Variants in CHRNA6 observed in about 807,000 individuals in gnomAD.
CHRNA6 encodes the protein neuronal acetylcholine receptor subunit alpha-6.
Under a neutral mutation model 40.9 loss-of-function variants are expected in CHRNA6, and 31 were observed. The ratio of observed to expected loss-of-function variants is 0.76; its 90% CI spans 0.57 to 1.02. The LOEUF is 1.02. Ranked by LOEUF, CHRNA6 falls within the 50% of genes least tolerant of loss-of-function variation. The probability of loss-of-function intolerance (pLI) is 0.00; values close to 1 mark genes in which losing one functional copy is unlikely to be tolerated. For missense variants in CHRNA6, 546 were observed against 596.6 expected (o/e 0.92, Z 0.88); for synonymous variants, 222 against 221.3 (o/e 1.00, Z -0.03).
intron 1 of CHRNA6, 53 bp from the exon 2 acceptor site, chr8:42,765,257 GC>G: frequency 6.3e-7 from 1 of 1,594,398 alleles, no homozygotes; most frequent in Non-Finnish European, 8.6e-7. Flanking sequence ...ACTGGCCACT[GC>G]AGCGATTCTA....
chr8:42,762,169 C>T (rs1298688799), intron 2 of CHRNA6, among the ~76,000 whole-genome samples: 8 of 152,192 alleles, frequency 5.3e-5, no homozygotes. Flanking sequence ...CCTGGCTGTG[C>T]CACTTCTCTC....
rs781148492 is a variant in CHRNA6 at position 42,756,079 on chromosome 8, G to C, written c.1120C>G (p.Leu374Val). ...TTGCCTTTGGCAGGCCTCCTGGCAA[G>C]GCCTCTGGGCACTGCATCAGAGCCT... Reference protein sequence around the residue: ...GTGSDAVPRGLARRPAKGKLA... With the variant: ...GTGSDAVPRGVARRPAKGKLA... The change falls in exon 5 of 6, where the codon CTT becomes GTT. Residue 374 changes from leucine to valine, a missense_variant. Physicochemically the swap from Leu to Val is conservative, Grantham distance 32. Around this residue, in one of 3 missense-constraint regions of CHRNA6, gnomAD observed 476 missense variants for 494.5 expected, o/e 0.96. Transcript: ENST00000276410. The C allele has an allele frequency of 6.2e-7, 1 of 1,614,240 alleles. No homozygotes were observed. Among genetic ancestry groups the C allele is most frequent in the South Asian group, 1.1e-5 (1 of 91,086 alleles).
chr8:42,761,425 C>T (rs1255767985), intron 2 of CHRNA6, among the ~76,000 whole-genome samples: 1 of 152,244 alleles, frequency 6.6e-6, no homozygotes, highest in African/African-American at 2.4e-5. Flanking sequence ...CCTGCAGTCT[C>T]GGTTCCAGGA....
At chr8:42,763,044 G>A (rs952394352) in intron 2 of CHRNA6, among the ~76,000 whole-genome samples, 1 of 152,230 alleles carries the variant, frequency 6.6e-6, no homozygotes, top group African/African-American at 2.4e-5. Flanking sequence ...GGAAATCACA[G>A]AAGTCTAGGA....
At position 42,765,298 on chromosome 8, in the gene CHRNA6, G is replaced by A. The variant is rs11992280; in HGVS notation, c.80-94C>T. On this transcript the variant is annotated intron_variant, in intron 1 of 5. Coordinates refer to ENST00000276410, the MANE Select transcript of CHRNA6 (RefSeq NM_004198.3). The stretch of plus-strand genomic sequence containing the variant: ...ATTCTTCCCGGGCCCTGTGGGGAGC[G>A]AATGTCCCAGCCCATGACTGCATCC... 2.6e-3 allele frequency: 3,596 copies of A among 1,375,516 alleles called. 76 individuals carry two copies. The African/African-American group carries it at 0.046, about 18-fold the overall frequency. The allele number at this position is 1,375,516 out of a possible 1,614,324, so 85.2% of individuals were successfully genotyped here.
chr8:42,756,970 G>A lies in CHRNA6; in HGVS notation c.332C>T (p.Pro111Leu). ...EYDGIETLRV[P>L]ADKIWKPDIV... The stretch of plus-strand genomic sequence containing the variant: ...GTCGGGCTTCCAAATCTTATCTGCA[G>A]GAACGCGAAGAGTCTCAATGCCATC... The change falls in exon 4 of 6, where the codon CCT becomes CTT. Residue 111 changes from proline to leucine, a missense_variant. Transcript: ENST00000276410. 1.9e-6 allele frequency: 3 copies of A among 1,614,012 alleles called. No individual in the cohort carries two copies. Among genetic ancestry groups the A allele is most frequent in the Non-Finnish European group, 2.5e-6 (3 of 1,179,878 alleles).
intron 1 of CHRNA6, among the ~76,000 whole-genome samples, chr8:42,766,143 A>G (rs1816972511): frequency 6.6e-6 from 1 of 152,208 alleles, no homozygotes; most frequent in African/African-American, 2.4e-5. Flanking sequence ...CACTATTCAC[A>G]ATAGCAAAGA....
chr8:42,754,416 C>T (rs1334915311), intron 5 of CHRNA6, among the ~76,000 whole-genome samples: 27 of 152,156 alleles, frequency 1.8e-4, no homozygotes, highest in Non-Finnish European at 2.9e-5. Context: ...TTAAACAATT[C>T]TCCCGTCTTG....
chr8:42,763,774 C>A (rs1403870109), intron 2 of CHRNA6, among the ~76,000 whole-genome samples: 2 of 152,138 alleles, frequency 1.3e-5, no homozygotes, highest in Admixed American at 6.5e-5. Flanking sequence ...TTTTTTTCAG[C>A]CAGTGCATGC....
chr8:42,754,665 C>T lies in CHRNA6; in HGVS notation c.1353+1181G>A, dbSNP rs1251280869. ...GCGATGGCTGCCAGCAGCTGCAGTC[C>T]GAGGTCAAACCTAGACACCAGGCCT... On this transcript the variant is annotated intron_variant, in intron 5 of 5. Coordinates refer to ENST00000276410, the MANE Select transcript of CHRNA6 (RefSeq NM_004198.3). Among the ~76,000 whole-genome samples the T allele has an allele frequency of 3.9e-5, 6 of 152,154 alleles. No individual in the cohort carries two copies. The East Asian group carries it at 9.6e-4, about 24-fold the overall frequency.
chr8:42,760,989 C>T (rs1036794336), intron 2 of CHRNA6, among the ~76,000 whole-genome samples: 1 of 152,188 alleles, frequency 6.6e-6, no homozygotes, highest in Non-Finnish European at 1.5e-5. Flanking sequence ...CCCAGGCACC[C>T]TCCAGAGTAA....
At chr8:42,759,328 T>C in intron 2 of CHRNA6, 1 of 535,840 alleles carries the variant, frequency 1.9e-6, no homozygotes, top group African/African-American at 1.9e-5. Context: ...GCAATGTGGC[T>C]TTAAACTCTT....
At position 42,768,364 on chromosome 8, in the gene CHRNA6, G is replaced by T; in HGVS notation, c.67C>A (p.Pro23Thr). 2.5e-6 allele frequency: 4 copies of T among 1,613,526 alleles called. No individual in the cohort carries two copies. In the South Asian group the frequency reaches 4.4e-5, roughly 18 times the overall value. ...GLCLWLCVFT[P>T]FFKGCVGCAT... is the part of the protein sequence containing the mutation. The stretch of plus-strand genomic sequence containing the variant: ...AAATGAAACCTACCTTTAAAGAAAG[G>T]TGTGAACACACACAGCCAGAGACAC... Residue 23 changes from proline (P) to threonine (T), a missense_variant, in exon 1 of 6, where the codon CCT (proline) becomes ACT (threonine). Coordinates refer to ENST00000276410, the MANE Select transcript of CHRNA6 (RefSeq NM_004198.3).
chr8:42,755,303 G>C (rs1816780816), intron 5 of CHRNA6, among the ~76,000 whole-genome samples: 1 of 147,882 alleles, frequency 6.8e-6, no homozygotes, highest in Non-Finnish European at 1.5e-5. Context: ...TTGAGATGGA[G>C]TCTCTCTCTG....
In CHRNA6 at chr8:42,768,589, G is replaced by A. The variant is rs1817003727; in HGVS notation, c.-159C>T. 1.8e-6 allele frequency: 1 copy of A among 563,684 alleles called. No homozygotes were observed. Among genetic ancestry groups the A allele is most frequent in the Non-Finnish European group, 3.2e-6 (1 of 309,798 alleles). The allele number at this position is 563,684 out of a possible 1,614,324, so 34.9% of individuals were successfully genotyped here. A position where few individuals can be genotyped will look rare whatever the true frequency, so the allele number is the denominator to read the frequency against. Reference sequence around the variant, plus strand: ...CAAAACATCCCCGGGACTTCACACGGTTATTACCAGGATCAGAGACTGAGG... The same window carrying A: ...CAAAACATCCCCGGGACTTCACACGATTATTACCAGGATCAGAGACTGAGG... On this transcript the variant is annotated 5_prime_UTR_variant, in exon 1 of 6. Coordinates refer to ENST00000276410, the MANE Select transcript of CHRNA6 (RefSeq NM_004198.3).
rs142629147 is a variant in CHRNA6 at position 42,756,300 on chromosome 8, A to C, written c.899T>G (p.Val300Gly). 6 of 1,614,254 alleles carry C rather than the reference A, an allele frequency of 3.7e-6. No homozygotes were observed. The highest frequency in any genetic ancestry group is 5.1e-6 in the Non-Finnish European group (6 of 1,180,042). ...TETIPSTSLV[V>G]PLVGEYLLFT... ...CAGCAGGTACTCACCCACCAGTGGG[A>C]CCACCAGAGATGTGGATGGGATGGT... Residue 300 changes from valine (V) to glycine (G), a missense_variant, in exon 5 of 6, where the codon GTC becomes GGC. By Grantham distance (109) the Val-to-Gly change is moderately radical. Around this residue, in one of 3 missense-constraint regions of CHRNA6, gnomAD observed 476 missense variants for 494.5 expected, o/e 0.96. Transcript: ENST00000276410.
In CHRNA6 at chr8:42,753,186, T is replaced by C. The variant is rs200851744; in HGVS notation, c.1478A>G (p.Lys493Arg). The change falls in exon 6 of 6, where the codon AAA becomes AGA. Residue 493 changes from lysine to arginine, a missense_variant. By Grantham distance (26) the Lys-to-Arg change is conservative. This residue lies in a region of CHRNA6 where 65 missense variants were observed against 83.8 expected (regional missense o/e 0.78). Coordinates refer to ENST00000276410, the MANE Select transcript of CHRNA6 (RefSeq NM_004198.3). Reference sequence around the variant, plus strand: ...CATAAAAGAAAATACATTTTAAGATTTTCCTGTGTTCCCAAGTAGTGGCTG... The same window carrying C: ...CATAAAAGAAAATACATTTTAAGATCTTCCTGTGTTCCCAAGTAGTGGCTG... ...FLQPLLGNTG[K>R]S The C allele has an allele frequency of 3.8e-6, 6 of 1,592,552 alleles. No homozygotes were observed. Among genetic ancestry groups the C allele is most frequent in the Non-Finnish European group, 5.1e-6 (6 of 1,175,114 alleles).
chr8:42,763,390 C>G (rs1438055106), intron 2 of CHRNA6, among the ~76,000 whole-genome samples: 1 of 152,146 alleles, frequency 6.6e-6, no homozygotes, highest in East Asian at 1.9e-4. Context: ...TTGCATAAGA[C>G]AGGAATAAAC....
intron 3 of CHRNA6, among the ~76,000 whole-genome samples, chr8:42,758,626 A>C (rs904811723): frequency 2.0e-5 from 3 of 152,162 alleles, no homozygotes; most frequent in African/African-American, 7.2e-5. Context: ...GGGCTCTCAA[A>C]GTGCTGGGAT....
Sources: allele counts gnomAD v4.1 joint callset (sites outside exome capture counted in the v4.1 genomes callset), GRCh38; gene constraint gnomAD v4.1.1; regional missense constraint gnomAD v4.1.1; transcripts MANE v1.5; gene names NCBI Gene and HGNC (gene_info 2026-07-23, HGNC 2026-07-21).